GRM7: variants seen among roughly 807,000 people sequenced by gnomAD.
GRM7 encodes the protein metabotropic glutamate receptor 7.
Under a neutral mutation model 84.5 loss-of-function variants are expected in GRM7, and 35 were observed. That is an observed-to-expected ratio of 0.41 (90% CI 0.32 to 0.55). The LOEUF (loss-of-function observed/expected upper bound fraction) is 0.55. Among genes scored for constraint, GRM7 ranks in the 20% least tolerant of loss-of-function variants. GRM7 has a pLI of 0.19. For missense variants in GRM7, 1,003 were observed against 1,194.6 expected (o/e 0.84, Z 2.36); for synonymous variants, 487 against 455.1 (o/e 1.07, Z -0.89).
At chr3:7,204,820 C>T (rs13318701) in intron 2 of GRM7, among the ~76,000 whole-genome samples, 43,972 of 152,098 alleles carry the variant, frequency 0.29, 6,467 homozygotes, top group Middle Eastern at 0.36. Context: ...TGTGTGATTA[C>T]TCACATTAAA....
At chr3:7,333,396 G>C (rs556930881) in intron 4 of GRM7, among the ~76,000 whole-genome samples, 15 of 152,296 alleles carry the variant, frequency 9.8e-5, no homozygotes, top group African/African-American at 3.6e-4. Flanking sequence ...AAAAATCACT[G>C]CAGTCTGCCT....
chr3:7,664,899 T>C (rs1699618859), intron 8 of GRM7, among the ~76,000 whole-genome samples: 1 of 152,214 alleles, frequency 6.6e-6, no homozygotes, highest in African/African-American at 2.4e-5. Flanking sequence ...GTAAATTTCA[T>C]ATTATAACCA....
At chr3:7,175,625 C>T (rs992031441) in intron 2 of GRM7, among the ~76,000 whole-genome samples, 2 of 151,292 alleles carry the variant, frequency 1.3e-5, no homozygotes, top group African/African-American at 4.9e-5. Context: ...GCAACCTCTG[C>T]CTCCAGAGTT....
At chr3:7,359,220 T>TTGTGTGTGTGTG (rs34535570) in intron 4 of GRM7, among the ~76,000 whole-genome samples, 2,257 of 133,218 alleles carry the variant, frequency 0.017, 207 homozygotes, top group African/African-American at 0.055. Flanking sequence ...GTGTTTGTGT[T>TTGTGTGTGTGTG]TGTGTGTGTG....
intron 6 of GRM7, among the ~76,000 whole-genome samples, chr3:7,453,449 C>A (rs1697863873): frequency 6.6e-6 from 1 of 152,278 alleles, no homozygotes; most frequent in Middle Eastern, 3.4e-3. Flanking sequence ...TTTTCACAAT[C>A]TCCTCCTCAG....
intron 2 of GRM7, among the ~76,000 whole-genome samples, chr3:7,212,172 T>C (rs866996996): frequency 2.6e-4 from 39 of 150,302 alleles, no homozygotes; most frequent in Middle Eastern, 3.4e-3. Flanking sequence ...TTCAAGCTTT[T>C]TGGCTTCTGT....
At chr3:6,914,763 C>G (rs1337269591) in intron 1 of GRM7, among the ~76,000 whole-genome samples, 1 of 152,088 alleles carries the variant, frequency 6.6e-6, no homozygotes, top group Non-Finnish European at 1.5e-5. Flanking sequence ...TATTTATTAA[C>G]AATTTTTTTC....
At chr3:6,868,930 G>A (rs182834099) in intron 1 of GRM7, among the ~76,000 whole-genome samples, 1 of 152,168 alleles carries the variant, frequency 6.6e-6, no homozygotes, top group African/African-American at 2.4e-5. Flanking sequence ...GTCATTCCAC[G>A]GCTGCTGACT....
At chr3:7,271,875 T>C (rs1039067360) in intron 2 of GRM7, among the ~76,000 whole-genome samples, 13 of 152,196 alleles carry the variant, frequency 8.5e-5, no homozygotes, top group African/African-American at 2.9e-4. Context: ...TCTTGACAGC[T>C]GATAACTGCT....
rs546557446 is a variant in GRM7, at chr3:7,468,644, A to G, written c.1515+6922A>G. The stretch of plus-strand genomic sequence containing the variant: ...CCACCCAAATCTCATCTTAAATTAT[A>G]ATCCCCATGTGTTGAGGGGGCATCT... On this transcript the variant is annotated intron_variant, in intron 7 of 9. Coordinates refer to ENST00000357716, the MANE Select transcript of GRM7 (RefSeq NM_000844.4). 1.7e-4 allele frequency among the ~76,000 whole-genome samples: 26 copies of G among 152,312 alleles called. No individual in the cohort carries two copies. In the South Asian group the frequency reaches 5.2e-3, roughly 30 times the overall value.
intron 8 of GRM7, among the ~76,000 whole-genome samples, chr3:7,648,991 G>T (rs1233359050): frequency 6.6e-6 from 1 of 152,090 alleles, no homozygotes; most frequent in Non-Finnish European, 1.5e-5. Flanking sequence ...TTCCCCCCAG[G>T]CCCCTTAGCA....
chr3:6,967,821 G>T (rs1693586971), intron 1 of GRM7, among the ~76,000 whole-genome samples: 1 of 152,176 alleles, frequency 6.6e-6, no homozygotes, highest in Non-Finnish European at 1.5e-5. Context: ...TCATACAGTG[G>T]TTCTCAAACC....
intron 4 of GRM7, among the ~76,000 whole-genome samples, chr3:7,403,518 G>A (rs1373235928): frequency 6.7e-6 from 1 of 149,960 alleles, no homozygotes; most frequent in East Asian, 2.0e-4. Flanking sequence ...AATAAATGAT[G>A]ACATTCAAAG....
intron 1 of GRM7, among the ~76,000 whole-genome samples, chr3:6,944,747 G>A (rs766030286): frequency 1.3e-5 from 2 of 152,042 alleles, no homozygotes; most frequent in African/African-American, 4.8e-5. Context: ...ATGTTGAATT[G>A]ATATTATTTC....
intron 9 of GRM7, among the ~76,000 whole-genome samples, chr3:7,706,052 A>C (rs1008151563): frequency 1.3e-5 from 2 of 152,090 alleles, no homozygotes; most frequent in African/African-American, 4.8e-5. Context: ...AAAAACAACA[A>C]CACTGGAGAT....
intron 2 of GRM7, among the ~76,000 whole-genome samples, chr3:7,153,105 G>T (rs1381309966): frequency 2.7e-5 from 4 of 148,590 alleles, no homozygotes; most frequent in Non-Finnish European, 4.4e-5. Context: ...AGAAACTGCA[G>T]CATTGCCCAG....
At chr3:6,955,272 A>C (rs1043610039) in intron 1 of GRM7, among the ~76,000 whole-genome samples, 26 of 152,338 alleles carry the variant, frequency 1.7e-4, no homozygotes, top group Admixed American at 3.3e-4. Context: ...CTGGTGGCTT[A>C]CGCCTGTAAT....
chr3:7,408,191 TTATATC>T (rs547841354), intron 4 of GRM7, among the ~76,000 whole-genome samples: 39 of 152,292 alleles, frequency 2.6e-4, no homozygotes, highest in Admixed American at 4.6e-4. Flanking sequence ...TATGTATTGT[TTATATC>T]TATATTTATT....
At position 7,450,553 on chromosome 3, in the gene GRM7, A is replaced by G. The variant is rs769003537; in HGVS notation, c.1175-2054A>G. On this transcript the variant is annotated intron_variant, in intron 5 of 9. Coordinates refer to ENST00000357716, the MANE Select transcript of GRM7 (RefSeq NM_000844.4). ...ATTCTAAGAATGTTATCTGTATATTATGGGATAAAGCAAATGAATAATCAT... is the reference window on the plus strand; with the variant it reads ...ATTCTAAGAATGTTATCTGTATATTGTGGGATAAAGCAAATGAATAATCAT... 9.2e-5 allele frequency among the ~76,000 whole-genome samples: 14 copies of G among 152,186 alleles called. No homozygotes were observed. In the South Asian group the frequency reaches 1.9e-3, roughly 20 times the overall value.
Sources: gnomAD v4.1 joint callset for allele counts (sites outside exome capture counted in the v4.1 genomes callset) on GRCh38, gnomAD v4.1.1 for gene constraint, MANE v1.5 for transcripts, NCBI Gene and HGNC (gene_info 2026-07-23, HGNC 2026-07-21) for gene names.